The following TACR3 variants were observed in gnomAD, a reference collection of about 807,000 sequenced individuals.
TACR3 encodes tachykinin receptor 3.
In TACR3, 34 loss-of-function variants were observed where a neutral mutation model predicts 35.0. That is an observed-to-expected ratio of 0.97 (90% CI 0.74 to 1.30). The LOEUF (loss-of-function observed/expected upper bound fraction) is 1.30, where lower values mean the gene tolerates loss of function less well. Ranked by LOEUF, TACR3 falls within the 50% of genes most tolerant of loss-of-function variation. TACR3 has a pLI of 0.00. For missense variants in TACR3, 558 were observed against 591.7 expected, an observed-to-expected ratio of 0.94 and a Z score of 0.59; for synonymous variants, 233 against 221.1, an observed-to-expected ratio of 1.05 and a Z score of -0.48.
intron 3 of TACR3, among the ~76,000 whole-genome samples, chr4:103,650,188 T>C (rs934478932): frequency 6.6e-6 from 1 of 151,862 alleles, no homozygotes; most frequent in Non-Finnish European, 1.5e-5. Context: ...CTTCCAAATA[T>C]AGTCCCTTTT....
intron 1 of TACR3, among the ~76,000 whole-genome samples, chr4:103,692,821 A>G (rs1722435539): frequency 2.0e-5 from 3 of 152,302 alleles, no homozygotes; most frequent in East Asian, 3.9e-4. Context: ...CTGAGGGGCC[A>G]GGTTACTGCT....
chr4:103,635,326 T>C (rs958280004), intron 3 of TACR3, among the ~76,000 whole-genome samples: 2 of 151,582 alleles, frequency 1.3e-5, no homozygotes, highest in African/African-American at 4.8e-5. Flanking sequence ...ATGACTGAGA[T>C]TGAAGAGAAA....
At position 103,719,735 on chromosome 4, in the gene TACR3, T is replaced by G. The variant is rs1723173421; in HGVS notation, c.-60A>C. 1 of 1,591,142 alleles carries G rather than the reference T, an allele frequency of 6.3e-7. No homozygotes were observed. The highest frequency in any genetic ancestry group is 8.5e-7 in the Non-Finnish European group (1 of 1,173,798). ...ACCCACGGGCAGCCCAAGACGAGAC[T>G]CCTCTGAAGTTCTTCTCTGCCTCCT... On this transcript the variant is annotated 5_prime_UTR_variant, in exon 1 of 5. Coordinates refer to ENST00000304883, the MANE Select transcript of TACR3 (RefSeq NM_001059.3).
chr4:103,601,642 T>C (rs1047217061), intron 3 of TACR3, among the ~76,000 whole-genome samples: 16 of 152,210 alleles, frequency 1.1e-4, no homozygotes, highest in Non-Finnish European at 2.1e-4. Context: ...CCTTCACTTA[T>C]GAAGCTTAGT....
At chr4:103,601,150 G>T (rs1249736339) in intron 3 of TACR3, among the ~76,000 whole-genome samples, 1 of 152,114 alleles carries the variant, frequency 6.6e-6, no homozygotes, top group African/African-American at 2.4e-5. Context: ...CCTGTATTGG[G>T]TGTATATATA....
intron 3 of TACR3, among the ~76,000 whole-genome samples, chr4:103,611,534 A>G (rs1455174709): frequency 2.0e-5 from 3 of 152,150 alleles, no homozygotes; most frequent in African/African-American, 7.2e-5. Flanking sequence ...GAGACCTTTT[A>G]TGTGCAAGGC....
At position 103,719,418 on chromosome 4, in the gene TACR3, C is replaced by T; in HGVS notation, c.258G>A (p.Ala86=). The change falls in exon 1 of 5, where the codon GCG becomes GCA. Residue 86 remains alanine (A), a synonymous_variant. Coordinates refer to ENST00000304883, the MANE Select transcript of TACR3 (RefSeq NM_001059.3). ...NQFVQPSWRI[A]LWSLAYGVVV... ...CCACACCATACGCCAGGGACCAGAG[C>T]GCGATGCGCCAGGACGGCTGCACGA... 1 of 1,614,130 alleles carries T rather than the reference C, an allele frequency of 6.2e-7. No homozygotes were observed. Among genetic ancestry groups the T allele is most frequent in the Middle Eastern group, 1.6e-4 (1 of 6,084 alleles).
rs150563647 is a variant in TACR3, at chr4:103,677,889, A to G, written c.549-19486T>C. Among the ~76,000 whole-genome samples the G allele has an allele frequency of 4.6e-3, 699 of 152,158 alleles. 7 individuals are homozygous for G. The highest frequency in any genetic ancestry group is 0.016 in the African/African-American group (658 of 41,526). On this transcript the variant is annotated intron_variant, in intron 1 of 4. Coordinates refer to ENST00000304883, the MANE Select transcript of TACR3 (RefSeq NM_001059.3). Reference sequence around the variant, plus strand: ...AAATAAAAGCTGGAAATAAGAAAAAAGAAAAAAGGTGGTTCTTAGGTAGTT... The same window carrying G: ...AAATAAAAGCTGGAAATAAGAAAAAGGAAAAAAGGTGGTTCTTAGGTAGTT...
intron 1 of TACR3, among the ~76,000 whole-genome samples, chr4:103,698,085 C>A (rs1012849251): frequency 6.6e-6 from 1 of 151,978 alleles, no homozygotes; most frequent in Non-Finnish European, 1.5e-5. Context: ...ATTATGTAAA[C>A]CTTTGTGGAA....
At chr4:103,712,604 A>C (rs1434385357) in intron 1 of TACR3, among the ~76,000 whole-genome samples, 1 of 152,234 alleles carries the variant, frequency 6.6e-6, no homozygotes, top group Non-Finnish European at 1.5e-5. Flanking sequence ...CAATGGCAAC[A>C]AAAGGCAAAA....
At chr4:103,646,634 G>A (rs76202766) in intron 3 of TACR3, among the ~76,000 whole-genome samples, 3,970 of 151,942 alleles carry the variant, frequency 0.026, 182 homozygotes, top group African/African-American at 0.09. Flanking sequence ...TGCCCCTCAC[G>A]CATATATTTT....
chr4:103,615,814 C>A (rs1343998855), intron 3 of TACR3, among the ~76,000 whole-genome samples: 4 of 151,812 alleles, frequency 2.6e-5, no homozygotes, highest in Non-Finnish European at 5.9e-5. Context: ...TAAAATTAAC[C>A]AAGGCATGAA....
intron 3 of TACR3, among the ~76,000 whole-genome samples, chr4:103,642,022 G>A (rs1023867129): frequency 6.6e-6 from 1 of 151,800 alleles, no homozygotes; most frequent in Admixed American, 6.6e-5. Flanking sequence ...CAGTTAGACA[G>A]GTGATACTAT....
In TACR3 at chr4:103,656,347, A is replaced by G; in HGVS notation, c.738-3T>C. 1.2e-6 allele frequency: 2 copies of G among 1,611,968 alleles called. No individual in the cohort carries two copies. Among genetic ancestry groups the G allele is most frequent in the Admixed American group, 1.7e-5 (1 of 59,886 alleles). Reference sequence around the variant, plus strand: ...GTATAATGACGATAATATGGTAACTATGAAAAATAAGAAAAACACATGCTG... The same window carrying G: ...GTATAATGACGATAATATGGTAACTGTGAAAAATAAGAAAAACACATGCTG... On this transcript the variant is annotated splice_polypyrimidine_tract_variant and splice_region_variant and intron_variant, in intron 2 of 4. Coordinates refer to ENST00000304883, the MANE Select transcript of TACR3 (RefSeq NM_001059.3).
At position 103,588,432 on chromosome 4, in the gene TACR3, A is replaced by C. The variant is rs1313110854; in HGVS notation, c.*1250T>G. The C allele has an allele frequency of 6.6e-6, 1 of 152,130 alleles. No homozygotes were observed. Among genetic ancestry groups the C allele is most frequent in the Non-Finnish European group, 1.5e-5 (1 of 67,996 alleles). 9.4% of individuals were successfully genotyped at this position (152,130 alleles called of 1,614,324 possible). ...ACTTAAAAGTATTTCTTGTTATGTT[A>C]TGAGTCTCAGAAATGTGCTAGTATA... On this transcript the variant is annotated 3_prime_UTR_variant, in exon 5 of 5. Transcript: ENST00000304883.
intron 1 of TACR3, among the ~76,000 whole-genome samples, chr4:103,693,861 G>T (rs889752096): frequency 5.3e-5 from 8 of 151,780 alleles, no homozygotes; most frequent in African/African-American, 1.9e-4. Flanking sequence ...TGTTTTTTAT[G>T]ATTTTATTGC....
chr4:103,683,360 G>A (rs1246955372), intron 1 of TACR3, among the ~76,000 whole-genome samples: 1 of 150,164 alleles, frequency 6.7e-6, no homozygotes, highest in African/African-American at 2.4e-5. Context: ...AAATAAGAGA[G>A]GAAATCAATA....
chr4:103,667,026 G>C (rs1413268007), intron 1 of TACR3, among the ~76,000 whole-genome samples: 1 of 152,186 alleles, frequency 6.6e-6, no homozygotes, highest in Non-Finnish European at 1.5e-5. Context: ...AGGAGGCCAA[G>C]GTGGGTGGAT....
intron 3 of TACR3, among the ~76,000 whole-genome samples, chr4:103,602,035 G>T (rs1049793155): frequency 1.3e-5 from 2 of 152,190 alleles, no homozygotes; most frequent in Non-Finnish European, 2.9e-5. Flanking sequence ...ATCAGACGTA[G>T]ATTTGGTCTT....
Sources: allele counts gnomAD v4.1 joint callset (sites outside exome capture counted in the v4.1 genomes callset), GRCh38; gene constraint gnomAD v4.1.1; transcripts MANE v1.5; gene names NCBI Gene and HGNC (gene_info 2026-07-23, HGNC 2026-07-21).